MTM1: variants seen among roughly 807,000 people sequenced by gnomAD.
MTM1 encodes the protein myotubularin.
In MTM1, 9 loss-of-function variants were observed where a neutral mutation model predicts 52.1. The observed-to-expected ratio is 0.17, with a 90% CI of 0.10 to 0.30. The LOEUF (loss-of-function observed/expected upper bound fraction) is 0.30. Ranked by LOEUF, MTM1 falls within the 10% of genes least tolerant of loss-of-function variation. MTM1 has a pLI of 1.00. For missense variants in MTM1, 277 were observed against 470.7 expected (o/e 0.59, Z 3.81); for synonymous variants, 136 against 163.8 (o/e 0.83, Z 1.29).
intron 9 of MTM1, 43 bp downstream of exon 9, chrX:150,645,914 G>A: frequency 2.7e-6 from 3 of 1,120,269 alleles, no homozygotes; most frequent in Non-Finnish European, 3.7e-6. Context: ...GCTTACATAT[G>A]GAGTGCAGTG....
rs374360983 is a variant in MTM1 at position 150,645,745 on chromosome X, C to T, written c.741C>T (p.Val247=). 4.2e-5 allele frequency: 51 copies of T among 1,208,991 alleles called. 1 individual carries two copies. The East Asian group carries it at 9.5e-4, about 22-fold the overall frequency. The change falls in exon 9 of 15, where the codon GTC becomes GTT. Residue 247 remains valine, a synonymous_variant. Coordinates refer to ENST00000370396, the MANE Select transcript of MTM1 (RefSeq NM_000252.3). ...TVIVRCSQPL[V]GMSGKRNKDD... ...TTGTGCGTTGCAGTCAGCCTCTTGT[C>T]GGTATGAGTGGGAAACGAAATAAAG...
chrX:150,590,044 C>G (rs1266177060), intron 1 of MTM1, among the ~76,000 whole-genome samples: 1 of 111,844 alleles, frequency 8.9e-6, no homozygotes, highest in Non-Finnish European at 1.9e-5. Flanking sequence ...GTAATAGCAA[C>G]CAAAGCCCAG....
Position 150,619,115 on chromosome X carries a change from C to T in MTM1, c.420C>T (p.Tyr140=), listed in dbSNP as rs587783825. The change falls in exon 6 of 15, where the codon TAC becomes TAT. Residue 140 remains tyrosine (Y), a synonymous_variant. Transcript: ENST00000370396. ...RRDMFEILTR[Y]AFPLAHSLPL... ...ATATGTTTGAGATCCTCACGAGATA[C>T]GCGTTTCCCCTGGCTCACAGTCTGG... The T allele has an allele frequency of 8.3e-6, 10 of 1,204,489 alleles. No homozygotes were observed. Among genetic ancestry groups the T allele is most frequent in the South Asian group, 1.8e-5 (1 of 56,677 alleles).
At chrX:150,622,077 T>G (rs782670699) in intron 6 of MTM1, among the ~76,000 whole-genome samples, 5 of 110,719 alleles carry the variant, frequency 4.5e-5, no homozygotes, top group Non-Finnish European at 9.4e-5. Flanking sequence ...TTGCTGTTAT[T>G]GGAGTCATCC....
chrX:150,563,418 G>A (rs1281366488), upstream of MTM1, among the ~76,000 whole-genome samples: 1 of 97,995 alleles, frequency 1.0e-5, no homozygotes, highest in Non-Finnish European at 2.0e-5. Flanking sequence ...GGGTTCAAGC[G>A]ATTCTCCTGA....
At chrX:150,660,308 C>T in intron 12 of MTM1, 63 bp from the exon 13 acceptor site, 1 of 704,501 alleles carries the variant, frequency 1.4e-6, no homozygotes, top group Non-Finnish European at 2.2e-6. Flanking sequence ...TACAGTGTAT[C>T]TTTCTAATTT....
chrX:150,631,034 T>G (rs781837759), intron 6 of MTM1, among the ~76,000 whole-genome samples: 1 of 112,351 alleles, frequency 8.9e-6, no homozygotes, highest in South Asian at 3.7e-4. Context: ...GGAGACTTTG[T>G]GTCCACAGTG....
intron 1 of MTM1, among the ~76,000 whole-genome samples, chrX:150,590,431 C>G (rs1202589239): frequency 2.7e-5 from 3 of 111,587 alleles, no homozygotes; most frequent in Non-Finnish European, 5.6e-5. Flanking sequence ...TTCGTGGTTG[C>G]TGGAGGATTG....
At chrX:150,594,097 ATATGTG>A (rs1451996890) in intron 2 of MTM1, among the ~76,000 whole-genome samples, 5 of 108,345 alleles carry the variant, frequency 4.6e-5, no homozygotes, top group African/African-American at 1.7e-4. Context: ...GTGTGTGTGT[ATATGTG>A]TATGTGTGTG....
chrX:150,660,046 T>G (rs1236261506), intron 12 of MTM1, among the ~76,000 whole-genome samples: 1 of 112,347 alleles, frequency 8.9e-6, no homozygotes, highest in Non-Finnish European at 1.9e-5. Flanking sequence ...TATATACATT[T>G]TACACTGACC....
intron 1 of MTM1, among the ~76,000 whole-genome samples, chrX:150,570,305 A>G (rs1390328483): frequency 9.0e-6 from 1 of 111,693 alleles, no homozygotes; most frequent in Non-Finnish European, 1.9e-5. Flanking sequence ...CTGAAACCTT[A>G]CAATGACAGT....
At chrX:150,632,763 T>A (rs2039691779) in intron 6 of MTM1, among the ~76,000 whole-genome samples, 1 of 110,804 alleles carries the variant, frequency 9.0e-6, no homozygotes, top group South Asian at 3.8e-4. Flanking sequence ...GATGGGATGA[T>A]AGGGAAGAAT....
chrX:150,648,017 A>G (rs782193344), intron 9 of MTM1, among the ~76,000 whole-genome samples: 15 of 112,158 alleles, frequency 1.3e-4, no homozygotes, highest in Non-Finnish European at 2.1e-4. Context: ...GAAAATCACC[A>G]TAACTATTTA....
intron 4 of MTM1, among the ~76,000 whole-genome samples, chrX:150,612,242 T>G (rs2039295480): frequency 9.0e-6 from 1 of 111,262 alleles, no homozygotes; most frequent in Non-Finnish European, 1.9e-5. Context: ...GCCCTTAAGA[T>G]TCTTCCAGGT....
chrX:150,583,580 AATATATATAAT>A (rs2038683091), intron 1 of MTM1, among the ~76,000 whole-genome samples: 1 of 25,241 alleles, frequency 4.0e-5, no homozygotes, highest in Non-Finnish European at 5.3e-5. Context: ...ATTTATATAT[AATATATATAAT>A]TTATATATAA....
At chrX:150,597,783 T>A (rs781977085) in intron 3 of MTM1, among the ~76,000 whole-genome samples, 2 of 111,793 alleles carry the variant, frequency 1.8e-5, no homozygotes, top group African/African-American at 6.5e-5. Context: ...CAAACTCTAT[T>A]CTAGACTATT....
At chrX:150,604,138 C>G (rs1557412785) in intron 4 of MTM1, among the ~76,000 whole-genome samples, 1 of 111,830 alleles carries the variant, frequency 8.9e-6, no homozygotes, top group African/African-American at 3.3e-5. Context: ...TTGGGTCTTT[C>G]TCGCAGTCCT....
chrX:150,583,910 A>ATT (rs1302309148), intron 1 of MTM1, among the ~76,000 whole-genome samples: 4 of 41,236 alleles, frequency 9.7e-5, no homozygotes, highest in African/African-American at 3.1e-4. Context: ...ATATATATAT[A>ATT]TAATATAAAA....
intron 3 of MTM1, among the ~76,000 whole-genome samples, chrX:150,597,236 C>G (rs1299371289): frequency 8.9e-6 from 1 of 111,833 alleles, no homozygotes; most frequent in Non-Finnish European, 1.9e-5. Context: ...GACCATTGTT[C>G]CAGGGAACCT....
Sources: gnomAD v4.1 joint callset for allele counts (sites outside exome capture counted in the v4.1 genomes callset) on GRCh38, gnomAD v4.1.1 for gene constraint, MANE v1.5 for transcripts, NCBI Gene and HGNC (gene_info 2026-07-23, HGNC 2026-07-21) for gene names.